ATRNL1: variants seen among roughly 807,000 people sequenced by gnomAD.
The protein encoded by ATRNL1 is attractin-like protein 1.
Under a neutral mutation model 182.7 loss-of-function variants are expected in ATRNL1, and 95 were observed. That is an observed-to-expected ratio of 0.52 (90% CI 0.44 to 0.62). The LOEUF (loss-of-function observed/expected upper bound fraction) is 0.62. Among genes scored for constraint, ATRNL1 ranks in the 20% least tolerant of loss-of-function variants. The pLI is 0.00. For synonymous variants in ATRNL1, 576 were observed against 568.3 expected (o/e 1.01, Z -0.19); for missense variants, 1,471 against 1,679.5 (o/e 0.88, Z 2.17).
At chr10:115,587,620 C>T (rs71472871) in intron 26 of ATRNL1, among the ~76,000 whole-genome samples, 71,041 of 150,014 alleles carry the variant, frequency 0.47, 18,395 homozygotes, top group East Asian at 0.84. Flanking sequence ...CTTCGGCTCG[C>T]GCATGGTGCG....
At chr10:115,658,065 A>G (rs934964732) in intron 26 of ATRNL1, among the ~76,000 whole-genome samples, 4 of 143,222 alleles carry the variant, frequency 2.8e-5, no homozygotes, top group East Asian at 2.0e-4. Flanking sequence ...ATAATTCTCA[A>G]TTTATACTGT....
intron 3 of ATRNL1, 141 bp downstream of exon 3, chr10:115,121,953 T>G: frequency 2.4e-6 from 1 of 415,862 alleles, no homozygotes; most frequent in Non-Finnish European, 4.3e-6. Context: ...CTTTGTTATG[T>G]GCTGTAACTG....
intron 20 of ATRNL1, among the ~76,000 whole-genome samples, chr10:115,399,626 A>T (rs1342481876): frequency 6.6e-6 from 1 of 151,760 alleles, no homozygotes; most frequent in Non-Finnish European, 1.5e-5. Flanking sequence ...TCCTGGATGC[A>T]TTGATCTTTT....
At chr10:115,478,196 G>A (rs1264065625) in intron 24 of ATRNL1, among the ~76,000 whole-genome samples, 2 of 151,620 alleles carry the variant, frequency 1.3e-5, no homozygotes, top group African/African-American at 4.8e-5. Context: ...GTTAAAACAA[G>A]GACCGTTTAT....
intron 1 of ATRNL1, among the ~76,000 whole-genome samples, chr10:115,102,207 T>C (rs1201104408): frequency 1.3e-5 from 2 of 152,356 alleles, no homozygotes; most frequent in East Asian, 3.9e-4. Context: ...AATTTTGGAT[T>C]ATGTCCTCCT....
In ATRNL1 at chr10:115,835,288, A is replaced by G. The variant is rs1022506611; in HGVS notation, c.3904-12589A>G. Among the ~76,000 whole-genome samples the G allele has an allele frequency of 1.8e-4, 27 of 152,138 alleles. 1 individual carries two copies. The highest frequency in any genetic ancestry group is 6.3e-4 in the African/African-American group (26 of 41,434). Reference sequence around the variant, plus strand: ...GGTGACCTCTTCCTCTGAAAGCTTCATGACTTAACAAAAAGTAAGATACAT... The same window carrying G: ...GGTGACCTCTTCCTCTGAAAGCTTCGTGACTTAACAAAAAGTAAGATACAT... On this transcript the variant is annotated intron_variant, in intron 27 of 28. Coordinates refer to ENST00000355044, the MANE Select transcript of ATRNL1 (RefSeq NM_207303.4).
At chr10:115,686,711 C>T (rs941814489) in intron 26 of ATRNL1, among the ~76,000 whole-genome samples, 2 of 151,924 alleles carry the variant, frequency 1.3e-5, no homozygotes, top group Non-Finnish European at 2.9e-5. Context: ...TCAAATGGGT[C>T]ATTTAATTCA....
Position 115,093,924 on chromosome 10 carries a change from C to T in ATRNL1, c.174C>T (p.Ser58=). The T allele has an allele frequency of 1.3e-6, 2 of 1,596,214 alleles. No homozygotes were observed. The highest frequency in any genetic ancestry group is 1.7e-6 in the Non-Finnish European group (2 of 1,172,896). The part of the protein sequence containing the change: ...FLYLALYAQV[S]QSKPCERTGS... ...ACCTGGCGCTCTACGCGCAGGTGTC[C>T]CAGTCCAAGCCGTGCGAGAGGACCG... Residue 58 remains serine (S), a synonymous_variant, in exon 1 of 29, where the codon TCC becomes TCT. Coordinates refer to ENST00000355044, the MANE Select transcript of ATRNL1 (RefSeq NM_207303.4). The surrounding 1 kb of genome is among the most constrained non-coding windows in gnomAD (Gnocchi z 6.1).
At chr10:115,202,443 G>T (rs868967652) in intron 8 of ATRNL1, among the ~76,000 whole-genome samples, 3,319 of 151,390 alleles carry the variant, frequency 0.022, 93 homozygotes, top group African/African-American at 0.074. Context: ...TAGCATGAAG[G>T]GCTGTTGAAT....
intron 27 of ATRNL1, among the ~76,000 whole-genome samples, chr10:115,830,880 C>T (rs781990425): frequency 2.0e-5 from 3 of 152,098 alleles, no homozygotes; most frequent in Admixed American, 6.6e-5. Context: ...TCCTCAGTGC[C>T]TGAGTGACTT....
intron 27 of ATRNL1, among the ~76,000 whole-genome samples, chr10:115,727,888 T>TC (rs1555060856): frequency 1.3e-5 from 2 of 151,602 alleles, no homozygotes; most frequent in African/African-American, 4.9e-5. Flanking sequence ...AGAAATAGAG[T>TC]ATGATGAAAC....
intron 1 of ATRNL1, among the ~76,000 whole-genome samples, chr10:115,105,303 A>C (rs915899323): frequency 1.8e-4 from 28 of 152,282 alleles, no homozygotes; most frequent in Non-Finnish European, 2.8e-4. Flanking sequence ...TGGCAGAAGA[A>C]ATTTCTAAGC....
chr10:115,126,441 C>T (rs192823511), intron 3 of ATRNL1, among the ~76,000 whole-genome samples: 3 of 152,244 alleles, frequency 2.0e-5, no homozygotes, highest in African/African-American at 7.2e-5. Context: ...GTAATACTCA[C>T]CTTTATATAA....
intron 15 of ATRNL1, among the ~76,000 whole-genome samples, chr10:115,295,266 C>T (rs1275946814): frequency 6.6e-6 from 1 of 152,088 alleles, no homozygotes; most frequent in Admixed American, 6.5e-5. Flanking sequence ...ATTTCTTAAT[C>T]CCAGGATGCA....
At chr10:115,580,419 C>T (rs35717629) in intron 26 of ATRNL1, among the ~76,000 whole-genome samples, 24,848 of 151,914 alleles carry the variant, frequency 0.16, 2,547 homozygotes, top group South Asian at 0.24. Context: ...TATTTTTCTG[C>T]CCCCTTCTGG....
intron 15 of ATRNL1, among the ~76,000 whole-genome samples, chr10:115,298,400 A>T (rs1029879190): frequency 3.3e-5 from 5 of 152,152 alleles, no homozygotes; most frequent in Non-Finnish European, 7.4e-5. Flanking sequence ...TTTTATCAGC[A>T]GCTCCATTTT....
At chr10:115,146,971 C>T (rs138254120) in intron 5 of ATRNL1, among the ~76,000 whole-genome samples, 196 of 152,024 alleles carry the variant, frequency 1.3e-3, no homozygotes, top group African/African-American at 4.4e-3. Flanking sequence ...GTGATTTTGT[C>T]TCCTTTGGAT....
At chr10:115,214,168 G>A (rs1170195842) in intron 8 of ATRNL1, among the ~76,000 whole-genome samples, 4 of 151,880 alleles carry the variant, frequency 2.6e-5, no homozygotes, top group African/African-American at 4.8e-5. Context: ...GTAACAAATT[G>A]TGAAATGTAC....
At chr10:115,244,000 A>G (rs1419569362) in intron 10 of ATRNL1, among the ~76,000 whole-genome samples, 8 of 152,072 alleles carry the variant, frequency 5.3e-5, no homozygotes, top group Admixed American at 5.2e-4. Flanking sequence ...TTTTCATATT[A>G]TTATTTATAC....
Sources: allele counts gnomAD v4.1 joint callset (sites outside exome capture counted in the v4.1 genomes callset), GRCh38; gene constraint gnomAD v4.1.1; non-coding constraint Gnocchi (gnomAD v3.1); transcripts MANE v1.5; gene names NCBI Gene and HGNC (gene_info 2026-07-23, HGNC 2026-07-21).